KATNAL2: variants seen among roughly 807,000 people sequenced by gnomAD.
The protein encoded by KATNAL2 is katanin catalytic subunit A1 like 2, also known as katanin p60 ATPase-containing subunit A-like 2.
Under a neutral mutation model 76.3 loss-of-function variants are expected in KATNAL2, and 52 were observed. The ratio of observed to expected loss-of-function variants is 0.68; its 90% CI spans 0.55 to 0.86. The LOEUF is 0.86. KATNAL2 is among the 40% of genes least tolerant of loss of function. The pLI is 0.00. For synonymous variants in KATNAL2, 243 were observed against 244.2 expected (o/e 1.00, Z 0.05); for missense variants, 660 against 668.9 (o/e 0.99, Z 0.15).
chr18:46,925,906 T>C (rs1348159838), intron 1 of KATNAL2, among the ~76,000 whole-genome samples: 2 of 152,234 alleles, frequency 1.3e-5, no homozygotes, highest in African/African-American at 2.4e-5. Flanking sequence ...TGGTAGTTTG[T>C]ATTTCTGTGG....
chr18:46,936,420 T>G (rs542311923), intron 1 of KATNAL2, among the ~76,000 whole-genome samples: 1 of 152,208 alleles, frequency 6.6e-6, no homozygotes, highest in South Asian at 2.1e-4. Flanking sequence ...ATTTTTATAT[T>G]TAAAAATTAA....
intron 1 of KATNAL2, chr18:46,920,141 G>A: frequency 8.1e-7 from 1 of 1,232,602 alleles, no homozygotes; most frequent in Non-Finnish European, 1.1e-6. Flanking sequence ...GGTTGGGTAG[G>A]TTTGACTGCA....
chr18:46,957,543 C>T (rs543567816), intron 3 of KATNAL2, among the ~76,000 whole-genome samples: 2 of 146,420 alleles, frequency 1.4e-5, no homozygotes, highest in South Asian at 2.2e-4. Flanking sequence ...CGTGAACCAC[C>T]GCGCCTGGCC....
chr18:46,934,542 A>G (rs2146580008), intron 1 of KATNAL2, among the ~76,000 whole-genome samples: 1 of 152,218 alleles, frequency 6.6e-6, no homozygotes, highest in African/African-American at 2.4e-5. Flanking sequence ...TAGATTCTGG[A>G]TATTAGCCCT....
chr18:47,097,764 G>A (rs1231095667), intron 15 of KATNAL2, among the ~76,000 whole-genome samples: 1 of 152,212 alleles, frequency 6.6e-6, no homozygotes, highest in Non-Finnish European at 1.5e-5. Flanking sequence ...AGGGGTACAT[G>A]TGCAGGTTTG....
intron 3 of KATNAL2, among the ~76,000 whole-genome samples, chr18:47,045,193 T>A (rs2061114629): frequency 6.6e-6 from 1 of 152,166 alleles, no homozygotes; most frequent in Non-Finnish European, 1.5e-5. Context: ...GAAAAAAATT[T>A]AGTATTATTT....
intron 15 of KATNAL2, among the ~76,000 whole-genome samples, chr18:47,087,057 A>C (rs2062807287): frequency 6.6e-6 from 1 of 152,218 alleles, no homozygotes; most frequent in Non-Finnish European, 1.5e-5. Context: ...TGATTTCACC[A>C]CTGTGACTCA....
chr18:47,089,751 T>C (rs1181376773), intron 15 of KATNAL2, among the ~76,000 whole-genome samples: 1 of 152,228 alleles, frequency 6.6e-6, no homozygotes, highest in African/African-American at 2.4e-5. Context: ...GGCTTTTCTC[T>C]ATTGATTAGA....
At chr18:47,031,012 T>C (rs2437855) in intron 3 of KATNAL2, among the ~76,000 whole-genome samples, 2,290 of 6,364 alleles carry the variant, frequency 0.36, 273 homozygotes, top group Middle Eastern at 0.5. Context: ...CTCTAGCATC[T>C]CCCCCCCCCC....
At chr18:46,951,839 T>C (rs1001204714) in intron 3 of KATNAL2, among the ~76,000 whole-genome samples, 1 of 152,150 alleles carries the variant, frequency 6.6e-6, no homozygotes, top group Non-Finnish European at 1.5e-5. Context: ...GGCCCGACCT[T>C]GGCTCACTGT....
chr18:47,070,721 A>G (rs4986203), intron 13 of KATNAL2, among the ~76,000 whole-genome samples: 81,257 of 152,066 alleles, frequency 0.53, 21,861 homozygotes, highest in Middle Eastern at 0.58. Context: ...TCATAATAGA[A>G]TATGTTTAAA....
In KATNAL2 at chr18:46,951,134, G is replaced by A. The variant is rs114378970; in HGVS notation, c.51+4211G>A. ...TTCCCTTCCCTCATTCTCTCAACAC[G>A]GAGAGAAATTCTATCATAATTTTCA... On this transcript the variant is annotated intron_variant, in intron 3 of 17. Coordinates refer to ENST00000683218, the MANE Select transcript of KATNAL2 (RefSeq NM_001387690.1). Among the ~76,000 whole-genome samples, 784 of 151,998 alleles carry A rather than the reference G, an allele frequency of 5.2e-3. 6 individuals are homozygous for A. The highest frequency in any genetic ancestry group is 0.018 in the African/African-American group (726 of 41,454).
At chr18:47,072,457 A>G (rs1299895475) in intron 13 of KATNAL2, among the ~76,000 whole-genome samples, 9 of 151,232 alleles carry the variant, frequency 6.0e-5, no homozygotes, top group Non-Finnish European at 1.5e-5. Flanking sequence ...TTTTGTTTTG[A>G]GGCAGGGTCT....
intron 3 of KATNAL2, among the ~76,000 whole-genome samples, chr18:47,036,205 C>T (rs2146978137): frequency 1.3e-5 from 2 of 152,248 alleles, no homozygotes; most frequent in African/African-American, 2.4e-5. Context: ...GCAAGGTGGA[C>T]GCCTCATGAT....
chr18:46,928,883 C>A (rs1474865589), intron 1 of KATNAL2, among the ~76,000 whole-genome samples: 1 of 152,128 alleles, frequency 6.6e-6, no homozygotes, highest in Non-Finnish European at 1.5e-5. Context: ...GCAACCTCCA[C>A]CTCCAGAGTT....
intron 3 of KATNAL2, among the ~76,000 whole-genome samples, chr18:46,950,310 G>C (rs932112433): frequency 6.6e-6 from 1 of 152,136 alleles, no homozygotes; most frequent in African/African-American, 2.4e-5. Flanking sequence ...TGGGGTCTAT[G>C]TGCAAGGAAT....
intron 3 of KATNAL2, among the ~76,000 whole-genome samples, chr18:46,957,032 C>A (rs1333154018): frequency 9.5e-5 from 12 of 125,672 alleles, no homozygotes; most frequent in African/African-American, 3.6e-4. Flanking sequence ...AGCGAAACTC[C>A]GTCTCAAAAA....
intron 15 of KATNAL2, among the ~76,000 whole-genome samples, chr18:47,078,088 A>G (rs2062326253): frequency 6.6e-6 from 1 of 152,200 alleles, no homozygotes; most frequent in African/African-American, 2.4e-5. Flanking sequence ...TTTCACATAC[A>G]TTATTTCTTT....
chr18:46,948,779 G>A (rs1023039516), intron 3 of KATNAL2, among the ~76,000 whole-genome samples: 1 of 151,992 alleles, frequency 6.6e-6, no homozygotes, highest in African/African-American at 2.4e-5. Flanking sequence ...TACCTCAACT[G>A]GACTTCTTTG....
Sources: allele counts gnomAD v4.1 joint callset (sites outside exome capture counted in the v4.1 genomes callset), GRCh38; gene constraint gnomAD v4.1.1; transcripts MANE v1.5; gene names NCBI Gene and HGNC (gene_info 2026-07-23, HGNC 2026-07-21).